SYNE3: variants seen among roughly 807,000 people sequenced by gnomAD.
The protein encoded by SYNE3 is spectrin repeat containing nuclear envelope family member 3.
Under a neutral mutation model 111.2 loss-of-function variants are expected in SYNE3, and 100 were observed. The observed-to-expected ratio is 0.90, with a 90% CI of 0.77 to 1.06. The LOEUF (loss-of-function observed/expected upper bound fraction) is 1.06. Ranked by LOEUF, SYNE3 falls within the 50% of genes least tolerant of loss-of-function variation. SYNE3 has a pLI of 0.00. For synonymous variants in SYNE3, 547 were observed against 533.9 expected, an observed-to-expected ratio of 1.02 and a Z score of -0.34; for missense variants, 1,160 against 1,240.3, an observed-to-expected ratio of 0.94 and a Z score of 0.97.
At chr14:95,488,618 A>G (rs918016451) in intron 1 of SYNE3, among the ~76,000 whole-genome samples, 4 of 137,850 alleles carry the variant, frequency 2.9e-5, no homozygotes, top group African/African-American at 1.1e-4. Flanking sequence ...ACTTGAGCCC[A>G]GGAGTTTGAG....
At chr14:95,480,557 A>C (rs1889178090) in intron 1 of SYNE3, among the ~76,000 whole-genome samples, 1 of 152,112 alleles carries the variant, frequency 6.6e-6, no homozygotes, top group Non-Finnish European at 1.5e-5. Flanking sequence ...CTGGAGACAC[A>C]GCCTCCCCAG....
At chr14:95,478,024 C>A (rs1355618050) in intron 1 of SYNE3, among the ~76,000 whole-genome samples, 1 of 152,104 alleles carries the variant, frequency 6.6e-6, no homozygotes, top group Non-Finnish European at 1.5e-5. Flanking sequence ...TTAGAGCACC[C>A]CTTCTTGTTG....
intron 1 of SYNE3, among the ~76,000 whole-genome samples, chr14:95,507,539 C>G (rs1162271423): frequency 6.6e-6 from 1 of 152,200 alleles, no homozygotes; most frequent in African/African-American, 2.4e-5. Context: ...CCAGGAGAGC[C>G]TGGCCTGGAT....
intron 4 of SYNE3, among the ~76,000 whole-genome samples, chr14:95,465,555 G>A (rs1269484148): frequency 6.6e-6 from 1 of 152,138 alleles, no homozygotes; most frequent in African/African-American, 2.4e-5. Context: ...ATGCGTGGGC[G>A]ATTAAGTGGT....
At chr14:95,489,747 C>G (rs1272875938) in intron 1 of SYNE3, among the ~76,000 whole-genome samples, 1 of 142,486 alleles carries the variant, frequency 7.0e-6, no homozygotes, top group Admixed American at 6.8e-5. Context: ...CCATGCCTGG[C>G]TTATTTTTTT....
intron 1 of SYNE3, among the ~76,000 whole-genome samples, chr14:95,513,143 A>G (rs1890781638): frequency 6.6e-6 from 1 of 152,200 alleles, no homozygotes; most frequent in African/African-American, 2.4e-5. Context: ...TCTCCTTTGT[A>G]ACTGCCCCCC....
chr14:95,422,210 G>A (rs1330466212), intron 17 of SYNE3, among the ~76,000 whole-genome samples: 4 of 151,852 alleles, frequency 2.6e-5, no homozygotes, highest in East Asian at 1.9e-4. Context: ...TCTGCGAGCT[G>A]TTCTCACTGT....
At chr14:95,499,482 T>C (rs1364412779) in intron 1 of SYNE3, among the ~76,000 whole-genome samples, 4 of 152,126 alleles carry the variant, frequency 2.6e-5, no homozygotes, top group African/African-American at 9.7e-5. Flanking sequence ...CTTCTCTGCC[T>C]GGCTACATTC....
intron 5 of SYNE3, 29 bp downstream of exon 5, chr14:95,457,148 C>T (rs773747172): frequency 6.2e-7 from 1 of 1,605,506 alleles, no homozygotes; most frequent in Non-Finnish European, 8.5e-7. Flanking sequence ...CCCTAGGGTC[C>T]CTCTGGTTGA....
intron 17 of SYNE3, among the ~76,000 whole-genome samples, chr14:95,420,342 C>A (rs777291249): frequency 9.9e-5 from 15 of 152,154 alleles, no homozygotes; most frequent in Non-Finnish European, 1.8e-4. Context: ...AGGGGCAAGA[C>A]AATGAGCTGG....
At chr14:95,452,087 C>T in intron 7 of SYNE3, 160 bp downstream of exon 7, 1 of 875,370 alleles carries the variant, frequency 1.1e-6, no homozygotes, top group South Asian at 2.5e-5. Context: ...GGGACAGTGT[C>T]TGAGCCAAGT....
chr14:95,436,971 A>G lies in SYNE3; in HGVS notation c.2387T>C (p.Leu796Pro). The change falls in exon 15 of 18, where the codon CTA (leucine) becomes CCA (proline). Residue 796 changes from leucine to proline, a missense_variant. Physicochemically the swap from Leu to Pro is moderately conservative, Grantham distance 98. Transcript: ENST00000682763. Reference sequence around the variant, plus strand: ...TTCATGGCTCCCTTCTTCTTCCTGTAGAAGATTTGCCTGTAGGATCACACA... The same window carrying G: ...TTCATGGCTCCCTTCTTCTTCCTGTGGAAGATTTGCCTGTAGGATCACACA... ...IPRHRRRANL[L>P]QEEEGSHEDF... The G allele has an allele frequency of 8.1e-7, 1 of 1,234,782 alleles. No individual in the cohort carries two copies. Among genetic ancestry groups the G allele is most frequent in the Non-Finnish European group, 1.1e-6 (1 of 921,226 alleles). The allele number at this position is 1,234,782 out of a possible 1,614,324, so 76.5% of individuals were successfully genotyped here.
intron 1 of SYNE3, among the ~76,000 whole-genome samples, chr14:95,507,169 C>T (rs1274001156): frequency 2.0e-5 from 3 of 152,184 alleles, no homozygotes; most frequent in Non-Finnish European, 1.5e-5. Context: ...CGCCCAGCCC[C>T]CTGAGCTTCC....
chr14:95,450,964 A>C (rs1229481716), intron 7 of SYNE3: 1 of 152,256 alleles, frequency 6.6e-6, no homozygotes, highest in Non-Finnish European at 1.5e-5. Context: ...AGATGAAAAA[A>C]TTGCTTGATC....
intron 3 of SYNE3, 113 bp downstream of exon 3, chr14:95,467,681 TC>T: frequency 1.6e-6 from 2 of 1,282,302 alleles, no homozygotes; most frequent in Middle Eastern, 2.0e-4. Flanking sequence ...GAATATCCTG[TC>T]CCCCAGAATC....
chr14:95,459,134 T>C (rs1383288853), intron 4 of SYNE3, among the ~76,000 whole-genome samples: 2 of 152,238 alleles, frequency 1.3e-5, no homozygotes, highest in African/African-American at 4.8e-5. Flanking sequence ...ACTTATGTTG[T>C]AGCCCATGAG....
intron 1 of SYNE3, among the ~76,000 whole-genome samples, chr14:95,506,747 A>G (rs1890542701): frequency 6.6e-6 from 1 of 152,288 alleles, no homozygotes; most frequent in South Asian, 2.1e-4. Context: ...TGGGAATCCC[A>G]CATCTGTTAT....
chr14:95,471,539 T>A (rs144458764), intron 2 of SYNE3, among the ~76,000 whole-genome samples: 2 of 152,292 alleles, frequency 1.3e-5, no homozygotes, highest in African/African-American at 4.8e-5. Context: ...AGAAGAAACG[T>A]CTGCCCTGAA....
intron 1 of SYNE3, 62 bp from the exon 2 acceptor site, chr14:95,475,897 C>T (rs774634567): frequency 1.6e-4 from 212 of 1,353,660 alleles, no homozygotes; most frequent in Non-Finnish European, 1.8e-4. Context: ...AAAAAGACCC[C>T]CGGCAGGACA....
Sources: allele counts gnomAD v4.1 joint callset (sites outside exome capture counted in the v4.1 genomes callset), GRCh38; gene constraint gnomAD v4.1.1; transcripts MANE v1.5; gene names NCBI Gene and HGNC (gene_info 2026-07-23, HGNC 2026-07-21).